LDB3: variants seen among roughly 807,000 people sequenced by gnomAD.
The protein encoded by LDB3 is LIM domain-binding protein 3.
A neutral mutation model predicts 69.0 loss-of-function variants in LDB3; 49 were observed. The ratio of observed to expected loss-of-function variants is 0.71; its 90% CI spans 0.56 to 0.90. LDB3 has a LOEUF of 0.90. LDB3 is among the 40% of genes least tolerant of loss of function. The probability of loss-of-function intolerance (pLI) is 0.00; values close to 1 mark genes in which losing one functional copy is unlikely to be tolerated. For missense variants in LDB3, 928 were observed against 974.1 expected (o/e 0.95, Z 0.63); for synonymous variants, 387 against 396.2 (o/e 0.98, Z 0.28).
chr10:86,727,017 ATTT>A (rs35394356), intron 13 of LDB3, among the ~76,000 whole-genome samples: 17 of 138,114 alleles, frequency 1.2e-4, no homozygotes, highest in African/African-American at 1.3e-4. Context: ...CGATTTGAGA[ATTT>A]TTTTTTTTTT....
intron 10 of LDB3, 135 bp downstream of exon 10, chr10:86,716,906 G>C: frequency 1.1e-6 from 1 of 947,758 alleles, no homozygotes; most frequent in African/African-American, 1.6e-5. Flanking sequence ...GGTCCTTCTG[G>C]CTTGCCATCT....
chr10:86,671,757 C>A (rs1374022298), intron 2 of LDB3, among the ~76,000 whole-genome samples: 1 of 152,210 alleles, frequency 6.6e-6, no homozygotes, highest in African/African-American at 2.4e-5. Flanking sequence ...CTCTGCTGCT[C>A]TCAGCTGTGT....
intron 13 of LDB3, chr10:86,732,464 G>A (rs1847501794): frequency 2.2e-6 from 1 of 455,050 alleles, no homozygotes; most frequent in Non-Finnish European, 4.4e-6. Context: ...GAAATAGGCT[G>A]TTGCCTTTTC....
intron 5 of LDB3, chr10:86,686,924 C>T (rs1845507414): frequency 3.9e-6 from 3 of 769,814 alleles, no homozygotes; most frequent in Non-Finnish European, 6.8e-6. Flanking sequence ...ACTTGTGTAG[C>T]CTATGGGGGT....
intron 4 of LDB3, among the ~76,000 whole-genome samples, chr10:86,681,188 C>T (rs1165308178): frequency 1.3e-5 from 2 of 152,266 alleles, no homozygotes; most frequent in Non-Finnish European, 2.9e-5. Context: ...GGAAGCTTGG[C>T]TTGGCTTCCA....
In LDB3 at chr10:86,726,340, C is replaced by T. The variant is rs1847255612; in HGVS notation, c.2094+88C>T. Reference sequence around the variant, plus strand: ...AGATGACCAACCTCTACATACCTTGCCACGCTAGCTTTCTGACATCCTGAT... The same window carrying T: ...AGATGACCAACCTCTACATACCTTGTCACGCTAGCTTTCTGACATCCTGAT... On this transcript the variant is annotated intron_variant, in intron 13 of 13. Coordinates refer to ENST00000361373, the MANE Select transcript of LDB3 (RefSeq NM_007078.3). 3.1e-6 allele frequency: 3 copies of T among 956,454 alleles called. No homozygotes were observed. The Admixed American group carries it at 5.8e-5, about 18-fold the overall frequency. 59.2% of individuals were successfully genotyped at this position (956,454 alleles called of 1,614,324 possible).
intron 2 of LDB3, among the ~76,000 whole-genome samples, chr10:86,669,185 C>T (rs1277864528): frequency 1.3e-5 from 2 of 152,182 alleles, no homozygotes; most frequent in African/African-American, 4.8e-5. Context: ...GGAGTATTCC[C>T]AGCATGGAGA....
At chr10:86,704,002 T>C (rs1025998292) in intron 7 of LDB3, among the ~76,000 whole-genome samples, 5 of 151,762 alleles carry the variant, frequency 3.3e-5, no homozygotes, top group African/African-American at 1.2e-4. Context: ...TAATCACAGC[T>C]ACTCGGGAGG....
chr10:86,709,816 T>G, intron 8 of LDB3, 89 bp from the exon 9 acceptor site: 3 of 1,451,270 alleles, frequency 2.1e-6, no homozygotes, highest in Non-Finnish European at 2.9e-6. Context: ...TCACAGAGGC[T>G]TCTGAAGACC....
rs1410039579 is a variant in LDB3, at chr10:86,688,089, G to GTGTGTA, written c.690-3806_690-3805insGTGTAT. On this transcript the variant is annotated intron_variant, in intron 5 of 13. Coordinates refer to ENST00000361373, the MANE Select transcript of LDB3 (RefSeq NM_007078.3). Reference sequence around the variant, plus strand: ...TGTGTGTGTGTGTGTGTGTGTATGTGTCTGTCTATCTGTTGTTTCTTTTTT... The same window carrying GTGTGTA: ...TGTGTGTGTGTGTGTGTGTGTATGTGTGTGTATCTGTCTATCTGTTGTTTCTTTTTT... Among the ~76,000 whole-genome samples, 262 of 131,092 alleles carry GTGTGTA rather than the reference G, an allele frequency of 2.0e-3. 1 individual carries two copies. Among genetic ancestry groups the GTGTGTA allele is most frequent in the African/African-American group, 4.6e-3 (140 of 30,530 alleles). 86.0% of individuals were successfully genotyped at this position (131,092 alleles called of 152,430 possible). A position where few individuals can be genotyped will look rare whatever the true frequency, so the allele number is the denominator to read the frequency against.
intron 13 of LDB3, 119 bp downstream of exon 13, chr10:86,726,371 T>G (rs1847257660): frequency 1.3e-6 from 1 of 769,126 alleles, no homozygotes; most frequent in Admixed American, 2.0e-5. Flanking sequence ...CTGATCATTT[T>G]TAAAAGCTGG....
In LDB3 at chr10:86,733,951, G is replaced by C. The variant is rs1481055048; in HGVS notation, c.*975G>C. 1.3e-5 allele frequency: 2 copies of C among 152,224 alleles called. No homozygotes were observed. Among genetic ancestry groups the C allele is most frequent in the African/African-American group, 4.8e-5 (2 of 41,442 alleles). 9.4% of individuals were successfully genotyped at this position (152,224 alleles called of 1,614,324 possible). On this transcript the variant is annotated 3_prime_UTR_variant, in exon 14 of 14. Transcript: ENST00000361373. The stretch of plus-strand genomic sequence containing the variant: ...TCTCAAATAGGCTTGGTGGCCTGTG[G>C]AAAAGAAGAGAGACAGAGAGACAGT...
intron 9 of LDB3, among the ~76,000 whole-genome samples, chr10:86,712,048 T>C (rs1403781506): frequency 2.0e-5 from 3 of 152,024 alleles, no homozygotes; most frequent in African/African-American, 7.2e-5. Context: ...AGGTCTCTCC[T>C]GGCGTGACGG....
In LDB3 at chr10:86,681,605, C is replaced by T. The variant is rs761907380; in HGVS notation, c.491C>T (p.Pro164Leu). 21 of 1,613,022 alleles carry T rather than the reference C, an allele frequency of 1.3e-5. No homozygotes were observed. The highest frequency in any genetic ancestry group is 1.1e-4 in the East Asian group (5 of 44,862). Residue 164 changes from proline to leucine, a missense_variant, in exon 5 of 14, where the codon CCG becomes CTG. Coordinates refer to ENST00000361373, the MANE Select transcript of LDB3 (RefSeq NM_007078.3). ...SLAEASDPGPPRASLRAKTSP... is the reference protein window; with the variant it reads ...SLAEASDPGPLRASLRAKTSP... ...GCCGAGGCCTCTGACCCTGGCCCTC[C>T]GCGGGCCAGCCTGAGGGCCAAGACC...
chr10:86,705,861 G>A (rs969690624), intron 7 of LDB3, among the ~76,000 whole-genome samples: 2 of 152,216 alleles, frequency 1.3e-5, no homozygotes, highest in African/African-American at 2.4e-5. Context: ...CCATGGGCAT[G>A]GGGAACCCTG....
intron 7 of LDB3, among the ~76,000 whole-genome samples, chr10:86,697,172 G>A (rs1172921600): frequency 6.7e-6 from 1 of 149,300 alleles, no homozygotes; most frequent in African/African-American, 2.5e-5. Flanking sequence ...TCTTTTCAAA[G>A]ACTTAAAGTT....
At position 86,732,915 on chromosome 10, in the gene LDB3, C is replaced by T. The variant is rs774815578; in HGVS notation, c.2123C>T (p.Pro708Leu). The part of the protein sequence containing the change: ...AVCHVNLEGQ[P>L]FYSKKDRPLC... ...TGCCATGTGAATCTGGAGGGGCAGC[C>T]GTTCTACTCCAAGAAGGACAGACCC... Residue 708 changes from proline to leucine, a missense_variant, in exon 14 of 14, where the codon CCG becomes CTG. Pro to Leu is a moderately conservative substitution (Grantham distance 98, BLOSUM62 -3). Coordinates refer to ENST00000361373, the MANE Select transcript of LDB3 (RefSeq NM_007078.3). 10 of 1,613,770 alleles carry T rather than the reference C, an allele frequency of 6.2e-6. No individual in the cohort carries two copies. The highest frequency in any genetic ancestry group is 5.0e-5 in the Admixed American group (3 of 59,978).
chr10:86,680,028 G>C, intron 3 of LDB3, 54 bp from the exon 4 acceptor site: 1 of 1,508,152 alleles, frequency 6.6e-7, no homozygotes. Context: ...CCAGGCAGGA[G>C]CTTCTGGCCC....
chr10:86,734,136 ACT>A lies in LDB3; in HGVS notation c.*1161_*1162del, dbSNP rs1166665258. The A allele has an allele frequency of 2.0e-5, 3 of 152,226 alleles. No homozygotes were observed. Among genetic ancestry groups the A allele is most frequent in the Admixed American group, 2.0e-4 (3 of 15,278 alleles). 9.4% of individuals were successfully genotyped at this position (152,226 alleles called of 1,614,324 possible). ...TCAAATGTTCCTTTAAATGCAGCAC[ACT>A]GAGTTTGTACAATTGTGTTAACTGC... On this transcript the variant is annotated 3_prime_UTR_variant, in exon 14 of 14. Transcript: ENST00000361373.
Sources: gnomAD v4.1 joint callset for allele counts (sites outside exome capture counted in the v4.1 genomes callset) on GRCh38, gnomAD v4.1.1 for gene constraint, MANE v1.5 for transcripts, NCBI Gene and HGNC (gene_info 2026-07-23, HGNC 2026-07-21) for gene names.